The following GRIN3B variants were observed in gnomAD, a reference collection of about 807,000 sequenced individuals.
GRIN3B encodes glutamate ionotropic receptor NMDA type subunit 3B.
GRIN3B carries 77 observed loss-of-function variants against 66.0 expected under a neutral mutation model. That is an observed-to-expected ratio of 1.17 (90% confidence interval 0.97 to 1.41). The LOEUF (loss-of-function observed/expected upper bound fraction) is 1.41, where lower values mean the gene tolerates loss of function less well. Among genes scored for constraint, GRIN3B ranks in the 40% most tolerant of loss-of-function variants. The probability of loss-of-function intolerance (pLI) is 0.00; values close to 1 mark genes in which losing one functional copy is unlikely to be tolerated. For missense variants in GRIN3B, 1,787 were observed against 1,564.5 expected (o/e 1.14, Z -2.40); for synonymous variants, 823 against 749.7 (o/e 1.10, Z -1.60).
Position 1,009,450 on chromosome 19 carries a change from CGT to C in GRIN3B, c.2982_2983del (p.Glu995AlafsTer85). ...GCTGGAGCGCCGCATCGAAGTCGCG[CGT>C]GAGCGGCTCCGCCAGGCCCTGGTGC... ...QELERRIEVARERLRQALVRR... is the reference protein window; with the variant it reads ...QELERRIEVAXERLRQALVRR... On this transcript the variant is annotated frameshift_variant, in exon 9 of 9. Transcript: ENST00000234389. LOFTEE classifies it low-confidence loss of function (END_TRUNC). The C allele has an allele frequency of 6.8e-7, 1 of 1,473,676 alleles. No individual in the cohort carries two copies. 91.3% of individuals were successfully genotyped at this position (1,473,676 alleles called of 1,614,324 possible).
rs1245848928 is a variant in GRIN3B at position 1,009,361 on chromosome 19, G to C, written c.2891G>C (p.Cys964Ser). The C allele has an allele frequency of 2.2e-6, 3 of 1,381,172 alleles. No individual in the cohort carries two copies. Among genetic ancestry groups the C allele is most frequent in the Non-Finnish European group, 2.8e-6 (3 of 1,076,344 alleles). 85.6% of individuals were successfully genotyped at this position (1,381,172 alleles called of 1,614,324 possible). The change falls in exon 9 of 9, where the codon TGC (cysteine) becomes TCC (serine). Residue 964 changes from cysteine to serine, a missense_variant. Cys to Ser is a moderately radical substitution (Grantham distance 112). Transcript: ENST00000234389. ...AAPREGPVWL[C>S]SYGRPPAARP... ...CCGCGAGAGGGCCCCGTCTGGCTGTGCTCCTACGGCCGCCCGCCCGCCGCA... is the reference window on the plus strand; with the variant it reads ...CCGCGAGAGGGCCCCGTCTGGCTGTCCTCCTACGGCCGCCCGCCCGCCGCA...
In GRIN3B at chr19:1,008,665, G is replaced by C. The variant is rs2038791880; in HGVS notation, c.2514G>C (p.Leu838=). 6.2e-7 allele frequency: 1 copy of C among 1,604,706 alleles called. No homozygotes were observed. Among genetic ancestry groups the C allele is most frequent in the Non-Finnish European group, 8.5e-7 (1 of 1,179,786 alleles). Residue 838 remains leucine (L), a synonymous_variant, in exon 7 of 9, where the codon CTG becomes CTC. Coordinates refer to ENST00000234389, the MANE Select transcript of GRIN3B (RefSeq NM_138690.3). ...ACTTCGCGGGCCTCTTCGTGTTGCT[G>C]TGCCTGGGCCTGGGCAGCGCTCTGC... The part of the protein sequence containing the change: ...IYHFAGLFVL[L]CLGLGSALLS...
In GRIN3B at chr19:1,003,504, G is replaced by A. The variant is rs935861107; in HGVS notation, c.801G>A (p.Lys267=). Residue 267 remains lysine (K), a synonymous_variant, in exon 2 of 9, where the codon AAG becomes AAA. Coordinates refer to ENST00000234389, the MANE Select transcript of GRIN3B (RefSeq NM_138690.3). ...HWLLGTPLPP[K]ALPTAGLPPG... ...TGTTGGGGACACCACTGCCGCCCAA[G>A]GCCCTGCCCACCGCGGGGCTGCCAC... 3 of 1,534,500 alleles carry A rather than the reference G, an allele frequency of 2.0e-6. No homozygotes were observed. Among genetic ancestry groups the A allele is most frequent in the Non-Finnish European group, 2.6e-6 (3 of 1,145,326 alleles).
At position 1,009,407 on chromosome 19, in the gene GRIN3B, G is replaced by C. The variant is rs1449865841; in HGVS notation, c.2937G>C (p.Gln979His). ...PPAARPTGAPQPGELQELERR... is the reference protein window; with the variant it reads ...PPAARPTGAPHPGELQELERR... ...CCGCAAGGCCCACGGGGGCCCCCCA[G>C]CCCGGGGAGCTGCAGGAGCTGGAGC... The change falls in exon 9 of 9, where the codon CAG becomes CAC. Residue 979 changes from glutamine (Q) to histidine (H), a missense_variant. Gln to His is a conservative substitution (Grantham distance 24, BLOSUM62 0). Coordinates refer to ENST00000234389, the MANE Select transcript of GRIN3B (RefSeq NM_138690.3). 12 of 1,433,416 alleles carry C rather than the reference G, an allele frequency of 8.4e-6. No individual in the cohort carries two copies. Among genetic ancestry groups the C allele is most frequent in the African/African-American group, 6.0e-5 (4 of 66,672 alleles). The allele number at this position is 1,433,416 out of a possible 1,614,324, so 88.8% of individuals were successfully genotyped here.
rs1226132376 is a variant in GRIN3B at position 1,009,467 on chromosome 19, G to A, written c.2997G>A (p.Gln999=). The change falls in exon 9 of 9, where the codon CAG becomes CAA. Residue 999 remains glutamine, a synonymous_variant. Coordinates refer to ENST00000234389, the MANE Select transcript of GRIN3B (RefSeq NM_138690.3). ...RIEVARERLR[Q]ALVRRGQLLA... ...AAGTCGCGCGTGAGCGGCTCCGCCAGGCCCTGGTGCGGCGCGGCCAGCTCC... is the reference window on the plus strand; with the variant it reads ...AAGTCGCGCGTGAGCGGCTCCGCCAAGCCCTGGTGCGGCGCGGCCAGCTCC... The A allele has an allele frequency of 5.4e-6, 8 of 1,480,774 alleles. No homozygotes were observed. Among genetic ancestry groups the A allele is most frequent in the Non-Finnish European group, 4.5e-6 (5 of 1,122,492 alleles). The allele number at this position is 1,480,774 out of a possible 1,614,324, so 91.7% of individuals were successfully genotyped here. A position where few individuals can be genotyped will look rare whatever the true frequency, so the allele number is the denominator to read the frequency against.
In GRIN3B at chr19:1,005,381, T is replaced by C; in HGVS notation, c.1880T>C (p.Leu627Pro). The change falls in exon 3 of 9, where the codon CTC (leucine) becomes CCC (proline). Residue 627 changes from leucine to proline, a missense_variant. By Grantham distance (98) the Leu-to-Pro change is moderately conservative. Transcript: ENST00000234389. The surrounding 1 kb of genome is among the most constrained non-coding windows in gnomAD (Gnocchi z 5.2). ...GCCCTCAACCTGTGCTACGCCATCC[T>C]CTTCAGACGCACCGTGTCCAGCAAG... is the stretch of plus-strand genomic sequence containing the variant. ...SSALNLCYAI[L>P]FRRTVSSKTP... is the part of the protein sequence containing the mutation. The C allele has an allele frequency of 6.2e-7, 1 of 1,613,714 alleles. No individual in the cohort carries two copies. The highest frequency in any genetic ancestry group is 8.5e-7 in the Non-Finnish European group (1 of 1,179,994).
intron 1 of GRIN3B, among the ~76,000 whole-genome samples, chr19:1,001,241 A>G (rs543036448): frequency 1.5e-3 from 234 of 151,198 alleles, no homozygotes; most frequent in African/African-American, 5.6e-3. Flanking sequence ...GGTCCCTGGG[A>G]CCTCCTGGTC....
At position 1,005,565 on chromosome 19, in the gene GRIN3B, C is replaced by CG. The variant is rs763918672; in HGVS notation, c.2052+18dup. 12 of 1,543,442 alleles carry CG rather than the reference C, an allele frequency of 7.8e-6. No homozygotes were observed. The highest frequency in any genetic ancestry group is 1.1e-5 in the Non-Finnish European group (12 of 1,142,348). The stretch of plus-strand genomic sequence containing the variant: ...TCCACGACCCCAAGGTGGGCGGCCT[C>CG]GGGGGGCTGCGGGTGGCCTTGGGGG... On this transcript the variant is annotated intron_variant, in intron 3 of 8. Transcript: ENST00000234389. This position sits in a 1 kb window ranked among gnomAD's most constrained non-coding sequence, Gnocchi z 5.2.
Position 1,009,618 on chromosome 19 carries a change from G to A in GRIN3B, c.*16G>A, listed in dbSNP as rs1320161377. 8.5e-6 allele frequency: 12 copies of A among 1,412,706 alleles called. No homozygotes were observed. The highest frequency in any genetic ancestry group is 3.0e-5 in the South Asian group (2 of 66,760). The allele number at this position is 1,412,706 out of a possible 1,614,324, so 87.5% of individuals were successfully genotyped here. ...CCAGGAATGAGGCGGCAGCCGGGCCGTTTGGGCTCAAGACACACACACAGC... is the reference window on the plus strand; with the variant it reads ...CCAGGAATGAGGCGGCAGCCGGGCCATTTGGGCTCAAGACACACACACAGC... On this transcript the variant is annotated 3_prime_UTR_variant, in exon 9 of 9. Coordinates refer to ENST00000234389, the MANE Select transcript of GRIN3B (RefSeq NM_138690.3).
In GRIN3B at chr19:1,000,697, T is replaced by C. The variant is rs2038675202; in HGVS notation, c.260T>C (p.Leu87Pro). 2.9e-6 allele frequency: 4 copies of C among 1,381,266 alleles called. No homozygotes were observed. The highest frequency in any genetic ancestry group is 3.0e-5 in the Admixed American group (1 of 33,720). 85.6% of individuals were successfully genotyped at this position (1,381,266 alleles called of 1,614,324 possible). ...AAPPARDPAS[L>P]TRGLCQALVP... ...CCCCCCGCCCGCGACCCCGCCTCGCTGACCCGCGGCCTGTGCCAGGCGCTG... is the reference window on the plus strand; with the variant it reads ...CCCCCCGCCCGCGACCCCGCCTCGCCGACCCGCGGCCTGTGCCAGGCGCTG... The change falls in exon 1 of 9, where the codon CTG (leucine) becomes CCG (proline). Residue 87 changes from leucine (L) to proline (P), a missense_variant. By Grantham distance (98) the Leu-to-Pro change is moderately conservative. Transcript: ENST00000234389.
rs1568395046 is a variant in GRIN3B at position 1,009,448 on chromosome 19, C to T, written c.2978C>T (p.Ala993Val). Reference protein sequence around the residue: ...LQELERRIEVARERLRQALVR... With the variant: ...LQELERRIEVVRERLRQALVR... ...GAGCTGGAGCGCCGCATCGAAGTCG[C>T]GCGTGAGCGGCTCCGCCAGGCCCTG... Residue 993 changes from alanine (A) to valine (V), a missense_variant, in exon 9 of 9, where the codon GCG (alanine) becomes GTG (valine). By Grantham distance (64) the Ala-to-Val change is moderately conservative. Transcript: ENST00000234389. 9 of 1,473,548 alleles carry T rather than the reference C, an allele frequency of 6.1e-6. No individual in the cohort carries two copies. The highest frequency in any genetic ancestry group is 2.6e-5 in the South Asian group (2 of 77,212). The allele number at this position is 1,473,548 out of a possible 1,614,324, so 91.3% of individuals were successfully genotyped here.
Position 1,007,770 on chromosome 19 carries a change from T to C in GRIN3B, c.2195T>C (p.Leu732Pro). 1 of 1,516,368 alleles carries C rather than the reference T, an allele frequency of 6.6e-7. No homozygotes were observed. The highest frequency in any genetic ancestry group is 2.6e-5 in the East Asian group (1 of 37,736). 93.9% of individuals were successfully genotyped at this position (1,516,368 alleles called of 1,614,324 possible). ...APTTPRGVAMLTSDPPKLNAF... is the reference protein window; with the variant it reads ...APTTPRGVAMPTSDPPKLNAF... ...ACCACGCCCCGCGGCGTCGCCATGC[T>C]CACGTGAGCCCGGGCGCGGGGTGAG... Residue 732 changes from leucine to proline, a missense_variant, in exon 4 of 9, where the codon CTC becomes CCC. Transcript: ENST00000234389. The surrounding 1 kb of genome is among the most constrained non-coding windows in gnomAD (Gnocchi z 4.4).
At position 1,005,470 on chromosome 19, in the gene GRIN3B, C is replaced by G. The variant is rs760627552; in HGVS notation, c.1969C>G (p.Leu657Val). The change falls in exon 3 of 9, where the codon CTG becomes GTG. Residue 657 changes from leucine (L) to valine (V), a missense_variant. Transcript: ENST00000234389. The surrounding 1 kb of genome is among the most constrained non-coding windows in gnomAD (Gnocchi z 5.2). ...CTGGGCCATCTTCTGCCTGCTGGTG[C>G]TGTCCAGCTACACGGCCAACCTGGC... is the stretch of plus-strand genomic sequence containing the variant. ...NLWAIFCLLVLSSYTANLAAV... is the reference protein window; with the variant it reads ...NLWAIFCLLVVSSYTANLAAV... The G allele has an allele frequency of 1.2e-5, 19 of 1,613,332 alleles. No individual in the cohort carries two copies. The highest frequency in any genetic ancestry group is 1.5e-5 in the Non-Finnish European group (18 of 1,179,980).
chr19:1,004,612 T>A lies in GRIN3B; in HGVS notation c.1111T>A (p.Trp371Arg). ...ACACATGTCTCGGCACTTTAAGGTG[T>A]GGAGCCTTCGCCGGGACCCACGGGG... is the stretch of plus-strand genomic sequence containing the variant. ...QVHMSRHFKV[W>R]SLRRDPRGAP... The change falls in exon 3 of 9, where the codon TGG becomes AGG. Residue 371 changes from tryptophan (W) to arginine (R), a missense_variant. Trp to Arg is a moderately radical substitution (Grantham distance 101). Coordinates refer to ENST00000234389, the MANE Select transcript of GRIN3B (RefSeq NM_138690.3). 1 of 1,605,718 alleles carries A rather than the reference T, an allele frequency of 6.2e-7. No homozygotes were observed. Among genetic ancestry groups the A allele is most frequent in the South Asian group, 1.1e-5 (1 of 90,134 alleles).
Position 1,007,160 on chromosome 19 carries a change from G to T in GRIN3B, c.2053-468G>T, listed in dbSNP as rs992033493. On this transcript the variant is annotated intron_variant, in intron 3 of 8. Transcript: ENST00000234389. This position sits in a 1 kb window ranked among gnomAD's most constrained non-coding sequence, Gnocchi z 4.4. ...GGCAGTTCCCTGTGTTGCAGGTGGC[G>T]CCCCCCAGGGTTTTCGGGAGAAACA... Among the ~76,000 whole-genome samples the T allele has an allele frequency of 6.6e-6, 1 of 152,098 alleles. No individual in the cohort carries two copies. Among genetic ancestry groups the T allele is most frequent in the East Asian group, 1.9e-4 (1 of 5,192 alleles).
chr19:1,008,092 C>T (rs377160831), intron 5 of GRIN3B, 48 bp from the exon 6 acceptor site: 326 of 1,568,670 alleles, frequency 2.1e-4, no homozygotes, highest in Non-Finnish European at 2.7e-4. Flanking sequence ...GGCAGAGTTC[C>T]CCTGGGGCTG....
At chr19:1,008,996 A>G in intron 8 of GRIN3B, 69 bp downstream of exon 8, 1 of 1,535,122 alleles carries the variant, frequency 6.5e-7, no homozygotes, top group Non-Finnish European at 8.8e-7. Flanking sequence ...GCTCGCCCCG[A>G]AGCCGGCCGC....
chr19:1,003,110 C>G lies in GRIN3B; in HGVS notation c.427-20C>G. 1 of 1,412,436 alleles carries G rather than the reference C, an allele frequency of 7.1e-7. No individual in the cohort carries two copies. The highest frequency in any genetic ancestry group is 2.9e-5 in the East Asian group (1 of 34,988). 87.5% of individuals were successfully genotyped at this position (1,412,436 alleles called of 1,614,324 possible). ...GGGGGTGGAGGTCGTCAACCCTAAC[C>G]GTGGCCACCCCTCTCCCAGAACCCA... On this transcript the variant is annotated intron_variant, in intron 1 of 8. Transcript: ENST00000234389.
rs922091217 is a variant in GRIN3B, at chr19:1,005,622, G to C, written c.2052+69G>C. ...GGTGGCCCCGGGCTGGGCTGTGTGG[G>C]GCAGGGGTGGTCAGCTGGACGTGGA... On this transcript the variant is annotated intron_variant, in intron 3 of 8. Coordinates refer to ENST00000234389, the MANE Select transcript of GRIN3B (RefSeq NM_138690.3). This position sits in a 1 kb window ranked among gnomAD's most constrained non-coding sequence, Gnocchi z 5.2. 3 of 1,279,320 alleles carry C rather than the reference G, an allele frequency of 2.3e-6. No homozygotes were observed. The African/African-American group carries it at 4.5e-5, about 19-fold the overall frequency. The allele number at this position is 1,279,320 out of a possible 1,614,324, so 79.2% of individuals were successfully genotyped here.
Sources: allele counts gnomAD v4.1 joint callset (sites outside exome capture counted in the v4.1 genomes callset), GRCh38; gene constraint gnomAD v4.1.1; non-coding constraint Gnocchi (gnomAD v3.1); transcripts MANE v1.5; gene names NCBI Gene and HGNC (gene_info 2026-07-23, HGNC 2026-07-21).